Variants in SASH1 observed in about 807,000 individuals in gnomAD.
SASH1 encodes SAM and SH3 domain-containing protein 1.
In SASH1, 44 loss-of-function variants were observed where a neutral mutation model predicts 125.2. The ratio of observed to expected loss-of-function variants is 0.35; its 90% CI spans 0.28 to 0.45. The LOEUF (loss-of-function observed/expected upper bound fraction) is 0.45. SASH1 is among the 20% of genes least tolerant of loss of function. The pLI is 1.00. For synonymous variants in SASH1, 639 were observed against 649.1 expected (o/e 0.98, Z 0.24); for missense variants, 1,426 against 1,614.5 (o/e 0.88, Z 2.00).
At chr6:148,523,985 G>T (rs541851463) in intron 10 of SASH1, among the ~76,000 whole-genome samples, 7 of 151,672 alleles carry the variant, frequency 4.6e-5, no homozygotes, top group African/African-American at 1.7e-4. Flanking sequence ...TACTTTACCT[G>T]AGATCACACA....
the SASH1 span, among the ~76,000 whole-genome samples, chr6:148,216,090 C>T: frequency 6.6e-6 from 1 of 152,116 alleles, no homozygotes; most frequent in African/African-American, 2.4e-5. Flanking sequence ...AACTCCTGAC[C>T]TCAAGTGATC....
chr6:148,518,723 T>G (rs1780617756), intron 9 of SASH1, among the ~76,000 whole-genome samples: 1 of 152,236 alleles, frequency 6.6e-6, no homozygotes, highest in African/African-American at 2.4e-5. Context: ...CTCACATCTG[T>G]TCACATAACA....
the SASH1 span, among the ~76,000 whole-genome samples, chr6:148,245,860 G>T: frequency 6.6e-6 from 1 of 151,834 alleles, no homozygotes; most frequent in Non-Finnish European, 1.5e-5. Flanking sequence ...ATGGTGGTGG[G>T]CGCCTGTAGT....
intron 17 of SASH1, among the ~76,000 whole-genome samples, chr6:148,541,153 T>C (rs374781458): frequency 5.3e-4 from 80 of 152,002 alleles, no homozygotes; most frequent in South Asian, 4.4e-3. Flanking sequence ...AGAATTCCCA[T>C]TGTAGCAAGA....
At chr6:148,214,656 A>G in the SASH1 span, among the ~76,000 whole-genome samples, 1 of 152,210 alleles carries the variant, frequency 6.6e-6, no homozygotes, top group Non-Finnish European at 1.5e-5. Context: ...GTTTGTGCCT[A>G]AATACAACTG....
Position 148,529,674 on chromosome 6 carries a change from A to AATCTT in SASH1, c.1429-1849_1429-1845dup, listed in dbSNP as rs1366691259. Among the ~76,000 whole-genome samples, 2 of 152,218 alleles carry AATCTT rather than the reference A, an allele frequency of 1.3e-5. No homozygotes were observed. The highest frequency in any genetic ancestry group is 4.8e-5 in the African/African-American group (2 of 41,460). On this transcript the variant is annotated intron_variant, in intron 12 of 19. Transcript: ENST00000367467. This position sits in a 1 kb window ranked among gnomAD's most constrained non-coding sequence, Gnocchi z 4.2. ...TTCAATAATTTTACTACCATATAGC[A>AATCTT]ATCTTATGTGCTTAGTTCTGTTTTT...
At chr6:148,513,153 G>C (rs1780246094) in intron 8 of SASH1, 2 of 985,332 alleles carry the variant, frequency 2.0e-6, no homozygotes, top group Admixed American at 6.1e-5. Flanking sequence ...ACTGGGATTA[G>C]TGAGAGCTTT....
At chr6:148,312,654 A>G (rs2128519080) in intron 1 of SASH1, among the ~76,000 whole-genome samples, 1 of 152,370 alleles carries the variant, frequency 6.6e-6, no homozygotes, top group South Asian at 2.1e-4. Flanking sequence ...AAACAGAATT[A>G]GTAGAAGCAC....
chr6:148,540,549 G>A lies in SASH1; in HGVS notation c.2202G>A (p.Leu734=), dbSNP rs752038969. 2.5e-6 allele frequency: 4 copies of A among 1,613,016 alleles called. No individual in the cohort carries two copies. The highest frequency in any genetic ancestry group is 4.5e-5 in the East Asian group (2 of 44,842). The change falls in exon 17 of 20, where the codon CTG becomes CTA. Residue 734 remains leucine, a synonymous_variant. Coordinates refer to ENST00000367467, the MANE Select transcript of SASH1 (RefSeq NM_015278.5). The stretch of plus-strand genomic sequence containing the variant: ...GATGCTACGAAAGCAGTGAGAACCT[G>A]GAAAACGGTAATGTCAGCATGAGTC... ...DSGCYESSEN[L]ENGKTRKASL... is the part of the protein sequence containing the mutation.
intron 5 of SASH1, among the ~76,000 whole-genome samples, chr6:148,471,067 G>T (rs528065390): frequency 1.5e-3 from 233 of 151,992 alleles, no homozygotes; most frequent in African/African-American, 5.3e-3. Flanking sequence ...TTGTGGCTAA[G>T]ACCAAAGGGG....
At chr6:148,196,658 C>G in the SASH1 span, among the ~76,000 whole-genome samples, 2 of 152,150 alleles carry the variant, frequency 1.3e-5, no homozygotes, top group East Asian at 3.8e-4. Flanking sequence ...ATGGAGAATA[C>G]AGAGGAAGAA....
chr6:148,392,589 A>G, intron 2 of SASH1, among the ~76,000 whole-genome samples: 1 of 152,220 alleles, frequency 6.6e-6, no homozygotes, highest in East Asian at 1.9e-4. Flanking sequence ...CTTATGTACT[A>G]TTATTTCTTT....
intron 1 of SASH1, among the ~76,000 whole-genome samples, chr6:148,360,873 C>T (rs990234044): frequency 1.3e-5 from 2 of 152,042 alleles, no homozygotes; most frequent in Non-Finnish European, 2.9e-5. Context: ...AAGGATACCT[C>T]GAAGTCCTAA....
the SASH1 span, among the ~76,000 whole-genome samples, chr6:148,261,011 G>T: frequency 1.3e-5 from 2 of 151,896 alleles, no homozygotes. Context: ...CACTATGTTG[G>T]CCAGGCTGGT....
intron 1 of SASH1, among the ~76,000 whole-genome samples, chr6:148,349,358 G>A (rs1448802115): frequency 1.4e-5 from 2 of 139,338 alleles, no homozygotes; most frequent in Non-Finnish European, 1.5e-5. Flanking sequence ...CAACCTTCCA[G>A]GTTCAAGCAA....
chr6:148,216,886 C>T, the SASH1 span, among the ~76,000 whole-genome samples: 1 of 151,994 alleles, frequency 6.6e-6, no homozygotes, highest in Non-Finnish European at 1.5e-5. Context: ...GCTCACCATG[C>T]CCGGCTAATT....
In SASH1 at chr6:148,388,365, AT is replaced by A. The variant is rs202114836; in HGVS notation, c.157-1765del. Among the ~76,000 whole-genome samples, 1,038 of 152,274 alleles carry A rather than the reference AT, an allele frequency of 6.8e-3. 12 individuals carry two copies. Among genetic ancestry groups the A allele is most frequent in the African/African-American group, 0.024 (985 of 41,562 alleles). ...TACTGGACACTTGACAATAGACGACATTTTGAAGAGGAGGGGGTCTCCCACG... is the reference window on the plus strand; with the variant it reads ...TACTGGACACTTGACAATAGACGACATTTGAAGAGGAGGGGGTCTCCCACG... On this transcript the variant is annotated intron_variant, in intron 1 of 19. Coordinates refer to ENST00000367467, the MANE Select transcript of SASH1 (RefSeq NM_015278.5).
At chr6:148,293,315 A>G (rs1363297113) in intron 1 of SASH1, among the ~76,000 whole-genome samples, 2 of 152,210 alleles carry the variant, frequency 1.3e-5, no homozygotes, top group African/African-American at 4.8e-5. Context: ...GGCTCCTTGC[A>G]TGCAGCCAGG....
At chr6:148,223,118 T>C in the SASH1 span, among the ~76,000 whole-genome samples, 8 of 151,572 alleles carry the variant, frequency 5.3e-5, no homozygotes, top group African/African-American at 1.7e-4. Context: ...GAATTGAAAA[T>C]GTTCCTGGAG....
Sources: gnomAD v4.1 joint callset for allele counts (sites outside exome capture counted in the v4.1 genomes callset) on GRCh38, gnomAD v4.1.1 for gene constraint, Gnocchi (gnomAD v3.1) non-coding constraint, MANE v1.5 for transcripts, NCBI Gene and HGNC (gene_info 2026-07-23, HGNC 2026-07-21) for gene names.